The following RAB43 variants were observed in gnomAD, a reference collection of about 807,000 sequenced individuals.
RAB43 encodes ras-related protein Rab-43.
RAB43 carries 6 observed loss-of-function variants against 18.8 expected under a neutral mutation model. That is an observed-to-expected ratio of 0.32 (90% confidence interval 0.17 to 0.63). RAB43 has a LOEUF of 0.63. Ranked by LOEUF, RAB43 falls within the 30% of genes least tolerant of loss-of-function variation. RAB43 has a pLI of 0.79. For missense variants in RAB43, 195 were observed against 289.1 expected (o/e 0.67, Z 2.36); for synonymous variants, 103 against 124.1 (o/e 0.83, Z 1.13).
intron 1 of RAB43, among the ~76,000 whole-genome samples, chr3:129,116,837 C>T (rs139938610): frequency 5.9e-4 from 89 of 152,100 alleles, no homozygotes; most frequent in African/African-American, 1.9e-3. Flanking sequence ...TCTGCAAAAA[C>T]GAGTTTACAT....
intron 2 of RAB43, among the ~76,000 whole-genome samples, chr3:129,094,759 C>T (rs867194392): frequency 5.3e-5 from 8 of 151,876 alleles, no homozygotes; most frequent in African/African-American, 1.9e-4. Context: ...CCTTGTGATC[C>T]GCCCGCCTCA....
chr3:129,099,689 A>G (rs1457093168), intron 1 of RAB43, among the ~76,000 whole-genome samples: 1 of 152,238 alleles, frequency 6.6e-6, no homozygotes, highest in Non-Finnish European at 1.5e-5. Flanking sequence ...CCCAGCCTAA[A>G]CTTAATTTTT....
chr3:129,121,162 A>G lies in RAB43; in HGVS notation c.204+124T>C, dbSNP rs868509073. The G allele has an allele frequency of 8.5e-6, 7 of 825,990 alleles. No homozygotes were observed. In the African/African-American group the frequency reaches 9.0e-5, roughly 11 times the overall value. The allele number at this position is 825,990 out of a possible 1,614,324, so 51.2% of individuals were successfully genotyped here. A position where few individuals can be genotyped will look rare whatever the true frequency, so the allele number is the denominator to read the frequency against. The stretch of plus-strand genomic sequence containing the variant: ...CAGGCCTGCTCCGACCCGAGGAAGG[A>G]AAAAGGGGAAGCCAAAGGAAACTTC... On this transcript the variant is annotated intron_variant, in intron 1 of 2. Coordinates refer to ENST00000315150, the MANE Select transcript of RAB43 (RefSeq NM_198490.3).
chr3:129,122,010 T>TGCCCTCAGCCCGACCTCGACTCC (rs1444184394), upstream of RAB43: 251 of 93,818 alleles, frequency 2.7e-3, no homozygotes, highest in Admixed American at 6.5e-3. Flanking sequence ...GACCCGACTC[T>TGCCCTCAGCCCGACCTCGACTCC]GCCCTCAGCC....
intron 1 of RAB43, among the ~76,000 whole-genome samples, chr3:129,101,711 G>A (rs1466277273): frequency 6.6e-6 from 1 of 152,196 alleles, no homozygotes; most frequent in Non-Finnish European, 1.5e-5. Context: ...GAAGGAAACT[G>A]GGAGGAGACA....
intron 1 of RAB43, among the ~76,000 whole-genome samples, chr3:129,104,485 G>A (rs1204538510): frequency 6.6e-6 from 1 of 152,244 alleles, no homozygotes; most frequent in African/African-American, 2.4e-5. Flanking sequence ...GTATGGGTAA[G>A]GCCTAATTAG....
At chr3:129,097,404 A>G (rs1215021173) in intron 1 of RAB43, among the ~76,000 whole-genome samples, 1 of 152,184 alleles carries the variant, frequency 6.6e-6, no homozygotes, top group African/African-American at 2.4e-5. Context: ...GAGGAGAAAA[A>G]TTATTTCCAA....
At chr3:129,104,677 T>A (rs1330332256) in intron 1 of RAB43, among the ~76,000 whole-genome samples, 1 of 152,238 alleles carries the variant, frequency 6.6e-6, no homozygotes, top group Admixed American at 6.5e-5. Flanking sequence ...GTCCTGCCCA[T>A]CGCTGCCTCA....
chr3:129,105,481 AC>A (rs1203485390), intron 1 of RAB43, among the ~76,000 whole-genome samples: 1 of 151,216 alleles, frequency 6.6e-6, no homozygotes, highest in Non-Finnish European at 1.5e-5. Context: ...ACAAAACAAA[AC>A]AAAACAAAAA....
At chr3:129,109,425 A>G (rs1935005735) in intron 1 of RAB43, among the ~76,000 whole-genome samples, 1 of 147,740 alleles carries the variant, frequency 6.8e-6, no homozygotes, top group Non-Finnish European at 1.5e-5. Flanking sequence ...AAAAAAAAAA[A>G]TCAATGTCAT....
At chr3:129,118,432 G>A (rs575453034) in intron 1 of RAB43, among the ~76,000 whole-genome samples, 2 of 152,064 alleles carry the variant, frequency 1.3e-5, no homozygotes, top group Non-Finnish European at 2.9e-5. Context: ...CTAGATAAAG[G>A]TATTGCTCTG....
intron 1 of RAB43, among the ~76,000 whole-genome samples, chr3:129,099,313 G>A (rs548127171): frequency 1.3e-5 from 2 of 152,014 alleles, no homozygotes; most frequent in East Asian, 3.9e-4. Flanking sequence ...GGATGGTCTT[G>A]ATCTCCTGAC....
At position 129,111,170 on chromosome 3, in the gene RAB43, G is replaced by A. The variant is rs113112559; in HGVS notation, c.204+10116C>T. Among the ~76,000 whole-genome samples the A allele has an allele frequency of 9.9e-3, 1,501 of 152,036 alleles. 22 individuals are homozygous for A. The highest frequency in any genetic ancestry group is 0.034 in the African/African-American group (1,397 of 41,470). On this transcript the variant is annotated intron_variant, in intron 1 of 2. Transcript: ENST00000315150. ...CGTGTGTTCTGTTAAAATGTGGAGGGTGCCCTCCAGCCCTTTCCTGAACTC... is the reference window on the plus strand; with the variant it reads ...CGTGTGTTCTGTTAAAATGTGGAGGATGCCCTCCAGCCCTTTCCTGAACTC...
rs1933959529 is a variant in RAB43 at position 129,095,193 on chromosome 3, G to A, written c.205-24C>T. On this transcript the variant is annotated intron_variant, in intron 1 of 2. Transcript: ENST00000315150. This position sits in a 1 kb window ranked among gnomAD's most constrained non-coding sequence, Gnocchi z 4.2. ...AGCTAAAGAAATAAGGTTCCTCAGTGAACCCAGTGGCACAGGCTGAACATG... is the reference window on the plus strand; with the variant it reads ...AGCTAAAGAAATAAGGTTCCTCAGTAAACCCAGTGGCACAGGCTGAACATG... 6.2e-7 allele frequency: 1 copy of A among 1,606,960 alleles called. No individual in the cohort carries two copies. The highest frequency in any genetic ancestry group is 1.3e-5 in the African/African-American group (1 of 74,812).
At chr3:129,111,944 C>T (rs1043306198) in intron 1 of RAB43, among the ~76,000 whole-genome samples, 1 of 152,094 alleles carries the variant, frequency 6.6e-6, no homozygotes, top group African/African-American at 2.4e-5. Context: ...TGGACCTACA[C>T]ACAGTTAAAA....
intron 1 of RAB43, among the ~76,000 whole-genome samples, chr3:129,106,180 T>C (rs1934771191): frequency 2.0e-5 from 3 of 152,188 alleles, no homozygotes; most frequent in Admixed American, 2.0e-4. Flanking sequence ...CATCTGTCCC[T>C]CCCAATGGAA....
rs1934884161 is a variant in RAB43 at position 129,107,850 on chromosome 3, C to T, written c.205-12681G>A. ...CTTTGGTCATCAACGATGGCCCAGACTGGCCTCACGAGTCCCTCACCCTCA... is the reference window on the plus strand; with the variant it reads ...CTTTGGTCATCAACGATGGCCCAGATTGGCCTCACGAGTCCCTCACCCTCA... On this transcript the variant is annotated intron_variant, in intron 1 of 2. Transcript: ENST00000315150. The surrounding 1 kb of genome is among the most constrained non-coding windows in gnomAD (Gnocchi z 4.2). Among the ~76,000 whole-genome samples the T allele has an allele frequency of 6.6e-6, 1 of 152,230 alleles. No homozygotes were observed. Among genetic ancestry groups the T allele is most frequent in the Admixed American group, 6.5e-5 (1 of 15,282 alleles).
At chr3:129,099,632 C>T (rs1030908450) in intron 1 of RAB43, among the ~76,000 whole-genome samples, 3 of 152,218 alleles carry the variant, frequency 2.0e-5, no homozygotes, top group African/African-American at 4.8e-5. Context: ...GTGATCCACT[C>T]GCCTCGGCCT....
intron 1 of RAB43, 95 bp downstream of exon 1, chr3:129,121,191 T>C (rs9865992): frequency 0.97 from 1,091,263 of 1,130,832 alleles, 527,478 homozygotes; most frequent in East Asian, 1. Flanking sequence ...AAACTTCAGA[T>C]GGACGCGGGG....
Sources: allele counts gnomAD v4.1 joint callset (sites outside exome capture counted in the v4.1 genomes callset), GRCh38; gene constraint gnomAD v4.1.1; non-coding constraint Gnocchi (gnomAD v3.1); transcripts MANE v1.5; gene names NCBI Gene and HGNC (gene_info 2026-07-23, HGNC 2026-07-21).